KAZN: variants seen among roughly 807,000 people sequenced by gnomAD.
KAZN encodes the protein kazrin.
In KAZN, 40 loss-of-function variants were observed where a neutral mutation model predicts 87.4. The ratio of observed to expected loss-of-function variants is 0.46; its 90% CI spans 0.36 to 0.60. KAZN has a LOEUF of 0.60. Among genes scored for constraint, KAZN ranks in the 20% least tolerant of loss-of-function variants. The pLI is 0.00. For synonymous variants in KAZN, 466 were observed against 458.3 expected (o/e 1.02, Z -0.22); for missense variants, 898 against 1,073.9 (o/e 0.84, Z 2.29).
chr1:14,105,787 G>A (rs982037457), intron 1 of KAZN, among the ~76,000 whole-genome samples: 1 of 152,188 alleles, frequency 6.6e-6, no homozygotes, highest in East Asian at 1.9e-4. Flanking sequence ...AGAGTCTCAG[G>A]TGCCACAGAG....
chr1:14,247,688 A>G (rs1649640557), intron 2 of KAZN, among the ~76,000 whole-genome samples: 1 of 152,250 alleles, frequency 6.6e-6, no homozygotes, highest in Non-Finnish European at 1.5e-5. Flanking sequence ...AGGTGTGCAC[A>G]TAGTCTAGAT....
At chr1:14,795,562 G>C (rs78827394) in intron 1 of KAZN, among the ~76,000 whole-genome samples, 120 of 152,096 alleles carry the variant, frequency 7.9e-4, no homozygotes, top group African/African-American at 2.8e-3. Flanking sequence ...AGGCTTCATG[G>C]CGTCCTCCAA....
At chr1:14,541,135 C>A (rs1368092785) in intron 2 of KAZN, among the ~76,000 whole-genome samples, 1 of 152,192 alleles carries the variant, frequency 6.6e-6, no homozygotes, top group Non-Finnish European at 1.5e-5. Context: ...TCCCAAGATC[C>A]TGCTACTTCC....
rs563301065 is a variant in KAZN at position 14,980,113 on chromosome 1, T to A, written c.418+19238T>A. On this transcript the variant is annotated intron_variant, in intron 2 of 14. Coordinates refer to ENST00000376030, the MANE Select transcript of KAZN (RefSeq NM_201628.3). ...CATATTGGTCTGGCTGGTCTCAAACTCCTGACCTCAGGTGATCTGCCCACC... is the reference window on the plus strand; with the variant it reads ...CATATTGGTCTGGCTGGTCTCAAACACCTGACCTCAGGTGATCTGCCCACC... Among the ~76,000 whole-genome samples the A allele has an allele frequency of 2.4e-3, 362 of 152,286 alleles. 2 individuals carry two copies. The highest frequency in any genetic ancestry group is 8.2e-3 in the African/African-American group (341 of 41,568).
At chr1:14,929,965 C>A in intron 1 of KAZN, 1 of 985,464 alleles carries the variant, frequency 1.0e-6, no homozygotes, top group Non-Finnish European at 1.2e-6. Flanking sequence ...CCCCAGAGCC[C>A]TCATCAGATG....
chr1:14,006,267 ATATATT>A (rs1244102763), intron 1 of KAZN, among the ~76,000 whole-genome samples: 2 of 152,178 alleles, frequency 1.3e-5, no homozygotes, highest in African/African-American at 4.8e-5. Flanking sequence ...TATAAAGAAA[ATATATT>A]TATTTGGCTC....
intron 1 of KAZN, among the ~76,000 whole-genome samples, chr1:14,870,618 G>C (rs1652029965): frequency 1.3e-5 from 2 of 152,200 alleles, no homozygotes; most frequent in Admixed American, 1.3e-4. Context: ...TGGGATTACA[G>C]GTGTGAGCCC....
At chr1:14,309,435 G>A (rs1038740580) in intron 2 of KAZN, among the ~76,000 whole-genome samples, 1 of 152,236 alleles carries the variant, frequency 6.6e-6, no homozygotes, top group African/African-American at 2.4e-5. Flanking sequence ...AGTGACCAGA[G>A]ACAGAGTGGA....
At chr1:15,004,749 G>A (rs1179114554) in intron 2 of KAZN, among the ~76,000 whole-genome samples, 1 of 152,086 alleles carries the variant, frequency 6.6e-6, no homozygotes, top group Non-Finnish European at 1.5e-5. Context: ...ATTAAATGGG[G>A]GGTTCAAATC....
At chr1:14,345,005 G>A (rs1385239328) in intron 2 of KAZN, among the ~76,000 whole-genome samples, 2 of 149,796 alleles carry the variant, frequency 1.3e-5, no homozygotes, top group Non-Finnish European at 1.5e-5. Flanking sequence ...TGCAACCTCC[G>A]CCTCCAGGGT....
intron 1 of KAZN, among the ~76,000 whole-genome samples, chr1:14,948,449 T>A (rs1048023151): frequency 1.3e-5 from 2 of 151,754 alleles, no homozygotes; most frequent in Non-Finnish European, 2.9e-5. Flanking sequence ...TTACCTCTGA[T>A]TGGACTGACT....
chr1:14,448,307 C>T (rs1464798841), intron 2 of KAZN, among the ~76,000 whole-genome samples: 1 of 152,226 alleles, frequency 6.6e-6, no homozygotes, highest in East Asian at 1.9e-4. Flanking sequence ...GTATAAGGCA[C>T]CACACAGTGC....
intron 1 of KAZN, among the ~76,000 whole-genome samples, chr1:14,064,961 G>A (rs1642951604): frequency 1.3e-5 from 2 of 152,150 alleles, no homozygotes; most frequent in South Asian, 2.1e-4. Flanking sequence ...GCCAGTAAGC[G>A]GAAAACATGT....
chr1:14,077,469 G>A lies in KAZN; in HGVS notation c.92-102966G>A, dbSNP rs184009463. On this transcript the variant is annotated intron_variant, in intron 1 of 16. Coordinates refer to the KAZN transcript ENST00000636203. ...CTTTCTTCAGCATTGTTTCCTGGCC[G>A]TCTCTGTCCCTCAGCCCCTTGATCG... Among the ~76,000 whole-genome samples, 416 of 152,220 alleles carry A rather than the reference G, an allele frequency of 2.7e-3. 11 individuals carry two copies. In the South Asian group the frequency reaches 0.067, roughly 25 times the overall value.
At chr1:14,885,660 A>G (rs1653959452) in intron 1 of KAZN, among the ~76,000 whole-genome samples, 1 of 151,892 alleles carries the variant, frequency 6.6e-6, no homozygotes, top group Non-Finnish European at 1.5e-5. Flanking sequence ...ATTTTCCTTC[A>G]TAGAATCAAT....
intron 1 of KAZN, among the ~76,000 whole-genome samples, chr1:14,001,434 G>A (rs1300990822): frequency 1.3e-5 from 2 of 152,064 alleles, no homozygotes; most frequent in African/African-American, 4.8e-5. Context: ...CTGCCCAAAG[G>A]AATTTTTAAA....
chr1:14,466,148 C>T (rs1257132942), intron 2 of KAZN, among the ~76,000 whole-genome samples: 1 of 152,114 alleles, frequency 6.6e-6, no homozygotes, highest in African/African-American at 2.4e-5. Context: ...ATATCCCTGT[C>T]GGTAAGCAAC....
At chr1:14,738,813 C>T (rs1643996304) in intron 1 of KAZN, among the ~76,000 whole-genome samples, 1 of 152,054 alleles carries the variant, frequency 6.6e-6, no homozygotes, top group Admixed American at 6.5e-5. Flanking sequence ...GAAACTGAAC[C>T]TCAGAGAGGT....
intron 1 of KAZN, among the ~76,000 whole-genome samples, chr1:14,825,575 C>T (rs1455427529): frequency 6.6e-6 from 1 of 152,176 alleles, no homozygotes; most frequent in East Asian, 1.9e-4. Context: ...TTATCATCAT[C>T]CCCATTTTCC....
Sources: allele counts gnomAD v4.1 joint callset (sites outside exome capture counted in the v4.1 genomes callset), GRCh38; gene constraint gnomAD v4.1.1; transcripts MANE v1.5; gene names NCBI Gene and HGNC (gene_info 2026-07-23, HGNC 2026-07-21).